PGM5: variants seen among roughly 807,000 people sequenced by gnomAD.
PGM5 encodes phosphoglucomutase 5, also known as phosphoglucomutase-like protein 5.
PGM5 carries 23 observed loss-of-function variants against 59.2 expected under a neutral mutation model. The ratio of observed to expected loss-of-function variants is 0.39; its 90% CI spans 0.28 to 0.55. PGM5 has a LOEUF of 0.55. PGM5 is among the 20% of genes least tolerant of loss of function. The pLI is 0.66. For synonymous variants in PGM5, 214 were observed against 286.0 expected (o/e 0.75, Z 2.54); for missense variants, 574 against 748.3 (o/e 0.77, Z 2.72).
At chr9:68,505,164 G>A (rs1341416137) in intron 10 of PGM5, among the ~76,000 whole-genome samples, 2 of 152,182 alleles carry the variant, frequency 1.3e-5, no homozygotes, top group Admixed American at 6.5e-5. Context: ...CTGGATTGGA[G>A]GTTTAAACTA....
At chr9:68,456,313 T>TG (rs1404721634) in intron 6 of PGM5, among the ~76,000 whole-genome samples, 12 of 144,264 alleles carry the variant, frequency 8.3e-5, no homozygotes, top group East Asian at 2.1e-4. Flanking sequence ...TTTTTGGGGG[T>TG]GGGGGGGTGG....
At chr9:68,422,525 C>T (rs897934586) in intron 6 of PGM5, among the ~76,000 whole-genome samples, 1 of 151,930 alleles carries the variant, frequency 6.6e-6, no homozygotes, top group South Asian at 2.1e-4. Context: ...CTCCTAGGCT[C>T]AAGTGATCCT....
At chr9:68,446,911 A>G (rs1823620213) in intron 6 of PGM5, among the ~76,000 whole-genome samples, 2 of 152,134 alleles carry the variant, frequency 1.3e-5, no homozygotes, top group South Asian at 2.1e-4. Flanking sequence ...CTTTTGCTTC[A>G]TAAATTAGAA....
intron 6 of PGM5, among the ~76,000 whole-genome samples, chr9:68,392,793 C>T (rs1344118059): frequency 6.6e-6 from 1 of 152,028 alleles, no homozygotes; most frequent in African/African-American, 2.4e-5. Context: ...TCATGTAGAA[C>T]ATTTAACATG....
intron 1 of PGM5, among the ~76,000 whole-genome samples, chr9:68,377,281 A>C (rs2131991736): frequency 6.6e-6 from 1 of 152,206 alleles, no homozygotes; most frequent in African/African-American, 2.4e-5. Flanking sequence ...CAGCCCTTTG[A>C]GTAACAAGGG....
Position 68,499,234 on chromosome 9 carries a change from G to A in PGM5, c.1487G>A (p.Arg496Lys). The change falls in exon 10 of 11, where the codon AGG (arginine) becomes AAG (lysine). Residue 496 changes from arginine (R) to lysine (K), a missense_variant. By Grantham distance (26) the Arg-to-Lys change is conservative (BLOSUM62 2). Transcript: ENST00000396396. Reference sequence around the variant, plus strand: ...GGATGTTCTTGGTCTCAGGGCCTAAGGATCATTTTCTCGGATGCATCACGG... The same window carrying A: ...GGATGTTCTTGGTCTCAGGGCCTAAAGATCATTTTCTCGGATGCATCACGG... Reference protein sequence around the residue: ...DGTVTKKQGLRIIFSDASRLI... With the variant: ...DGTVTKKQGLKIIFSDASRLI... 3.7e-6 allele frequency: 6 copies of A among 1,614,164 alleles called. No individual in the cohort carries two copies. Among genetic ancestry groups the A allele is most frequent in the African/African-American group, 1.3e-5 (1 of 75,046 alleles).
At chr9:68,374,010 T>G (rs1370248204) in intron 1 of PGM5, among the ~76,000 whole-genome samples, 2 of 152,296 alleles carry the variant, frequency 1.3e-5, no homozygotes, top group African/African-American at 4.8e-5. Flanking sequence ...ATTGTCCAAA[T>G]GCACCATGTG....
chr9:68,420,492 A>G (rs1336198183), intron 6 of PGM5, among the ~76,000 whole-genome samples: 2 of 152,246 alleles, frequency 1.3e-5, no homozygotes, highest in Non-Finnish European at 2.9e-5. Flanking sequence ...TTTTAGGAAT[A>G]TTACATCAAA....
At chr9:68,360,092 G>A (rs2131969381) in intron 1 of PGM5, among the ~76,000 whole-genome samples, 1 of 152,008 alleles carries the variant, frequency 6.6e-6, no homozygotes, top group East Asian at 1.9e-4. Context: ...AGATCTGCCT[G>A]CCTTGGCCTC....
intron 1 of PGM5, among the ~76,000 whole-genome samples, chr9:68,362,865 C>CTTTTTTTTTTTTT (rs1163826772): frequency 3.5e-4 from 34 of 96,772 alleles, no homozygotes; most frequent in Non-Finnish European, 5.0e-4. Flanking sequence ...TTTTCTTTTT[C>CTTTTTTTTTTTTT]TTTTTTTTTT....
At chr9:68,412,764 T>C (rs1302510759) in intron 6 of PGM5, among the ~76,000 whole-genome samples, 30 of 152,238 alleles carry the variant, frequency 2.0e-4, no homozygotes, top group African/African-American at 6.8e-4. Flanking sequence ...TATAGGGCCA[T>C]GTGCTATGTT....
At chr9:68,387,391 A>T in intron 3 of PGM5, 72 bp from the exon 4 acceptor site, 1 of 1,280,302 alleles carries the variant, frequency 7.8e-7, no homozygotes, top group South Asian at 1.3e-5. Flanking sequence ...TAAGGTAGTG[A>T]TTCTTTTTAT....
At chr9:68,401,679 A>G (rs1554680645) in intron 6 of PGM5, among the ~76,000 whole-genome samples, 1 of 151,898 alleles carries the variant, frequency 6.6e-6, no homozygotes, top group African/African-American at 2.4e-5. Context: ...CATTAACTTC[A>G]TGGCCTGCCT....
chr9:68,405,687 T>TC (rs1408920789), intron 6 of PGM5: 2 of 151,650 alleles, frequency 1.3e-5, no homozygotes, highest in African/African-American at 4.9e-5. Context: ...CTTCCTTCCT[T>TC]CTTTTCTTAT....
chr9:68,440,069 C>T (rs1033071368), intron 6 of PGM5, among the ~76,000 whole-genome samples: 2 of 152,036 alleles, frequency 1.3e-5, no homozygotes, highest in Non-Finnish European at 2.9e-5. Context: ...TTTTAAAGTA[C>T]ATAAGCAAAA....
intron 7 of PGM5, among the ~76,000 whole-genome samples, chr9:68,472,237 G>A (rs1029522214): frequency 1.3e-5 from 2 of 152,138 alleles, no homozygotes; most frequent in Non-Finnish European, 2.9e-5. Context: ...ATGTCAAGCC[G>A]CTGGCCAAAG....
chr9:68,433,625 T>C (rs966122988), intron 6 of PGM5, among the ~76,000 whole-genome samples: 1 of 152,184 alleles, frequency 6.6e-6, no homozygotes, highest in African/African-American at 2.4e-5. Flanking sequence ...TGGCTGTGTG[T>C]TTATGCATGA....
intron 10 of PGM5, among the ~76,000 whole-genome samples, chr9:68,508,457 A>AT (rs1234085383): frequency 1.1e-4 from 17 of 152,196 alleles, no homozygotes; most frequent in Non-Finnish European, 1.9e-4. Flanking sequence ...AAATGTTTTG[A>AT]TTTTTTTCCT....
intron 6 of PGM5, among the ~76,000 whole-genome samples, chr9:68,440,962 A>G (rs1016141236): frequency 1.3e-5 from 2 of 152,070 alleles, no homozygotes; most frequent in Admixed American, 6.6e-5. Flanking sequence ...TATAAACATC[A>G]GGAGTAAGAA....
Sources: allele counts gnomAD v4.1 joint callset (sites outside exome capture counted in the v4.1 genomes callset), GRCh38; gene constraint gnomAD v4.1.1; transcripts MANE v1.5; gene names NCBI Gene and HGNC (gene_info 2026-07-23, HGNC 2026-07-21).